Variants in CNBD1 observed in about 807,000 individuals in gnomAD.
The protein encoded by CNBD1 is cyclic nucleotide-binding domain-containing protein 1.
CNBD1 carries 71 observed loss-of-function variants against 54.4 expected under a neutral mutation model. That is an observed-to-expected ratio of 1.30 (90% CI 1.08 to 1.59). The LOEUF (loss-of-function observed/expected upper bound fraction) is 1.59. Among genes scored for constraint, CNBD1 ranks in the 40% most tolerant of loss-of-function variants. CNBD1 has a pLI of 0.00. For synonymous variants in CNBD1, 182 were observed against 170.7 expected, an observed-to-expected ratio of 1.07 and a Z score of -0.51; for missense variants, 659 against 518.0, an observed-to-expected ratio of 1.27 and a Z score of -2.64.
At position 87,326,415 on chromosome 8, in the gene CNBD1, A is replaced by G. The variant is rs1284979364; in HGVS notation, c.1043-25270A>G. Among the ~76,000 whole-genome samples the G allele has an allele frequency of 4.0e-5, 5 of 125,294 alleles. 1 individual carries two copies. Among genetic ancestry groups the G allele is most frequent in the Non-Finnish European group, 1.8e-5 (1 of 55,272 alleles). The allele number at this position is 125,294 out of a possible 152,430, so 82.2% of individuals were successfully genotyped here. ...GTAGAGTGTTTTCCAACTTGGTTCCATTCTCCCCATCACTTTCAGGTACAC... is the reference window on the plus strand; with the variant it reads ...GTAGAGTGTTTTCCAACTTGGTTCCGTTCTCCCCATCACTTTCAGGTACAC... On this transcript the variant is annotated intron_variant, in intron 8 of 10. Transcript: ENST00000518476.
intron 2 of CNBD1, among the ~76,000 whole-genome samples, chr8:86,898,658 C>T (rs781506280): frequency 4.6e-5 from 7 of 152,150 alleles, no homozygotes; most frequent in Middle Eastern, 3.4e-3. Context: ...TTACATTATT[C>T]ACAAAATTAA....
In CNBD1 at chr8:86,926,450, A is replaced by C. The variant is rs532667866; in HGVS notation, c.273-13146A>C. Among the ~76,000 whole-genome samples the C allele has an allele frequency of 2.0e-5, 3 of 152,302 alleles. No individual in the cohort carries two copies. In the East Asian group the frequency reaches 5.8e-4, roughly 29 times the overall value. ...GATGGCCTTGATCCTGGGGGAAACA[A>C]ATTTGACAAGGAGGTTAAAAATACA... On this transcript the variant is annotated intron_variant, in intron 3 of 10. Coordinates refer to ENST00000518476, the MANE Select transcript of CNBD1 (RefSeq NM_173538.3).
chr8:87,256,253 C>A (rs973457999), intron 6 of CNBD1, among the ~76,000 whole-genome samples: 1 of 150,964 alleles, frequency 6.6e-6, no homozygotes, highest in African/African-American at 2.4e-5. Context: ...GAGCTCCTGG[C>A]CTCAGTGATC....
At chr8:87,140,134 A>G (rs1812342862) in intron 4 of CNBD1, among the ~76,000 whole-genome samples, 1 of 152,042 alleles carries the variant, frequency 6.6e-6, no homozygotes, top group South Asian at 2.1e-4. Flanking sequence ...TGACAAACAT[A>G]TTTTCCCATT....
chr8:87,142,020 G>A (rs373778592), intron 4 of CNBD1, among the ~76,000 whole-genome samples: 70 of 152,228 alleles, frequency 4.6e-4, no homozygotes, highest in African/African-American at 1.6e-3. Context: ...AAATACATTG[G>A]AACATTCACA....
At chr8:87,268,666 G>T (rs1477646567) in intron 6 of CNBD1, among the ~76,000 whole-genome samples, 1 of 151,936 alleles carries the variant, frequency 6.6e-6, no homozygotes, top group African/African-American at 2.4e-5. Context: ...ATTTTTATTT[G>T]CATTTCTCTA....
chr8:86,884,733 G>A (rs533492795), intron 1 of CNBD1, among the ~76,000 whole-genome samples: 2 of 152,256 alleles, frequency 1.3e-5, no homozygotes, highest in South Asian at 2.1e-4. Flanking sequence ...ATTGTATAAG[G>A]GTTGCTATTC....
chr8:87,361,709 T>TATATATATATATATATATA (rs1554582984), intron 10 of CNBD1, among the ~76,000 whole-genome samples: 1 of 150,378 alleles, frequency 6.6e-6, no homozygotes, highest in African/African-American at 2.4e-5. Context: ...TATATATATA[T>TATATATATATATATATATA]TCTTGTTCAC....
Position 87,007,835 on chromosome 8 carries a change from T to C in CNBD1, c.431+68081T>C, listed in dbSNP as rs149692202. Among the ~76,000 whole-genome samples the C allele has an allele frequency of 2.0e-3, 304 of 152,310 alleles. 1 individual carries two copies. Among genetic ancestry groups the C allele is most frequent in the African/African-American group, 6.7e-3 (280 of 41,560 alleles). ...TGTATTTATTAAATTTTCAAACATC[T>C]AGATAAGAAGTTGAGCAGATTGATT... On this transcript the variant is annotated intron_variant, in intron 4 of 10. Coordinates refer to ENST00000518476, the MANE Select transcript of CNBD1 (RefSeq NM_173538.3).
intron 10 of CNBD1, among the ~76,000 whole-genome samples, chr8:87,356,093 C>T (rs927193296): frequency 8.0e-6 from 1 of 124,890 alleles, no homozygotes; most frequent in Non-Finnish European, 1.8e-5. Flanking sequence ...GATGTTGTTG[C>T]CATGCTTGTT....
At chr8:87,330,373 T>C (rs1578907) in intron 8 of CNBD1, among the ~76,000 whole-genome samples, 58,170 of 151,432 alleles carry the variant, frequency 0.38, 11,430 homozygotes, top group Middle Eastern at 0.46. Flanking sequence ...TTTACTAGTT[T>C]TATTTTTTTT....
chr8:87,354,558 C>A (rs1296023392), intron 10 of CNBD1, among the ~76,000 whole-genome samples: 1 of 151,212 alleles, frequency 6.6e-6, no homozygotes, highest in Non-Finnish European at 1.5e-5. Context: ...CCTCCCCCTT[C>A]CCCCCACCCC....
At chr8:87,116,269 A>C (rs973745576) in intron 4 of CNBD1, among the ~76,000 whole-genome samples, 1 of 142,870 alleles carries the variant, frequency 7.0e-6, no homozygotes, top group African/African-American at 2.6e-5. Context: ...GGGCATAAAC[A>C]TGACTCACTA....
chr8:87,218,442 A>G (rs1271193696), intron 5 of CNBD1, among the ~76,000 whole-genome samples: 1 of 152,098 alleles, frequency 6.6e-6, no homozygotes, highest in Non-Finnish European at 1.5e-5. Flanking sequence ...CTATGGCCAC[A>G]TATCACGGTG....
At chr8:87,151,982 C>T (rs1812613857) in intron 4 of CNBD1, among the ~76,000 whole-genome samples, 1 of 151,946 alleles carries the variant, frequency 6.6e-6, no homozygotes, top group Non-Finnish European at 1.5e-5. Context: ...TAGTACTAAG[C>T]ACTTTCTTTT....
chr8:87,275,519 A>G lies in CNBD1; in HGVS notation c.772-9159A>G, dbSNP rs187538283. Among the ~76,000 whole-genome samples the G allele has an allele frequency of 8.0e-3, 1,080 of 134,274 alleles. 8 individuals are homozygous for G. The highest frequency in any genetic ancestry group is 0.01 in the Non-Finnish European group (582 of 57,262). The allele number at this position is 134,274 out of a possible 152,430, so 88.1% of individuals were successfully genotyped here. On this transcript the variant is annotated intron_variant, in intron 6 of 10. Coordinates refer to ENST00000518476, the MANE Select transcript of CNBD1 (RefSeq NM_173538.3). ...CAGAAAAGGCCTTTGACAAAATTCAACAACACTTCATGCTAAAAACTCTCA... is the reference window on the plus strand; with the variant it reads ...CAGAAAAGGCCTTTGACAAAATTCAGCAACACTTCATGCTAAAAACTCTCA...
chr8:87,194,995 T>C (rs1311260476), intron 4 of CNBD1, among the ~76,000 whole-genome samples: 2 of 152,182 alleles, frequency 1.3e-5, no homozygotes, highest in South Asian at 4.1e-4. Flanking sequence ...GCAATTCTCT[T>C]GCCTCAGCCT....
intron 4 of CNBD1, among the ~76,000 whole-genome samples, chr8:87,132,658 T>A (rs1812142370): frequency 6.8e-6 from 1 of 147,684 alleles, no homozygotes; most frequent in South Asian, 2.1e-4. Flanking sequence ...GTAAGATATA[T>A]ATCTAATATA....
chr8:87,331,074 G>T (rs967548595), intron 8 of CNBD1, among the ~76,000 whole-genome samples: 4 of 152,018 alleles, frequency 2.6e-5, no homozygotes, highest in South Asian at 2.1e-4. Context: ...TTTACTTTAA[G>T]TTCGAGGATA....
Sources: allele counts gnomAD v4.1 joint callset (sites outside exome capture counted in the v4.1 genomes callset), GRCh38; gene constraint gnomAD v4.1.1; transcripts MANE v1.5; gene names NCBI Gene and HGNC (gene_info 2026-07-23, HGNC 2026-07-21).